The following IL1R1 variants were observed in gnomAD, a reference collection of about 807,000 sequenced individuals.
IL1R1 encodes the protein interleukin 1 receptor type 1, also known as interleukin-1 receptor type 1.
Under a neutral mutation model 50.2 loss-of-function variants are expected in IL1R1, and 22 were observed. The observed-to-expected ratio is 0.44, with a 90% CI of 0.31 to 0.63. The LOEUF (loss-of-function observed/expected upper bound fraction) is 0.63, where lower values mean the gene tolerates loss of function less well. Ranked by LOEUF, IL1R1 falls within the 20% of genes least tolerant of loss-of-function variation. The pLI, the probability that IL1R1 is intolerant of heterozygous loss-of-function variation, is 0.07. For missense variants in IL1R1, 509 were observed against 676.2 expected (o/e 0.75, Z 2.74); for synonymous variants, 251 against 236.7 (o/e 1.06, Z -0.55).
intron 1 of IL1R1, among the ~76,000 whole-genome samples, chr2:102,144,194 G>A (rs1381478729): frequency 6.6e-6 from 1 of 152,076 alleles, no homozygotes; most frequent in Non-Finnish European, 1.5e-5. Flanking sequence ...ATTCATATCC[G>A]ATGTTAACGT....
At chr2:102,140,689 C>T (rs1192370360), upstream of IL1R1, among the ~76,000 whole-genome samples, 2 of 152,060 alleles carry the variant, frequency 1.3e-5, no homozygotes, top group African/African-American at 4.8e-5. Context: ...AAGCCTCCTA[C>T]CCAGGGGATG....
chr2:102,167,745 G>T (rs1175953853), intron 6 of IL1R1, among the ~76,000 whole-genome samples: 2 of 152,092 alleles, frequency 1.3e-5, no homozygotes, highest in African/African-American at 4.8e-5. Flanking sequence ...ACCGCGCCCG[G>T]CCAGGTTAAG....
chr2:102,104,087 T>A (rs1475844570), upstream of IL1R1, among the ~76,000 whole-genome samples: 1 of 150,474 alleles, frequency 6.6e-6, no homozygotes, highest in Non-Finnish European at 1.5e-5. Context: ...CCAGCTTTCA[T>A]CTCCCTGAGC....
At chr2:102,099,215 G>A (rs1680031769) in intron 1 of IL1R1, among the ~76,000 whole-genome samples, 1 of 152,166 alleles carries the variant, frequency 6.6e-6, no homozygotes, top group Non-Finnish European at 1.5e-5. Flanking sequence ...ATTTCAAAAT[G>A]TGAATAGTGA....
At chr2:102,128,109 G>A (rs989172341) in intron 1 of IL1R1, among the ~76,000 whole-genome samples, 9 of 152,068 alleles carry the variant, frequency 5.9e-5, no homozygotes, top group Admixed American at 2.6e-4. Context: ...TATTTGTGTC[G>A]AAATACCCTC....
chr2:102,149,220 A>G (rs957465885), intron 1 of IL1R1, among the ~76,000 whole-genome samples: 22 of 152,230 alleles, frequency 1.4e-4, no homozygotes, highest in Non-Finnish European at 2.8e-4. Flanking sequence ...ACATATGCAC[A>G]TATTGGTTAA....
intron 6 of IL1R1, among the ~76,000 whole-genome samples, chr2:102,166,817 G>T (rs1255949924): frequency 1.3e-5 from 2 of 152,154 alleles, no homozygotes; most frequent in Admixed American, 6.5e-5. Flanking sequence ...GAGATATGGG[G>T]TACACGAAAC....
chr2:102,169,617 C>T (rs932885412), intron 7 of IL1R1, among the ~76,000 whole-genome samples: 2 of 152,204 alleles, frequency 1.3e-5, no homozygotes, highest in Admixed American at 6.5e-5. Flanking sequence ...AACTGCATGA[C>T]AGCAGTCAAG....
At chr2:102,157,975 T>C (rs1322199436) in intron 3 of IL1R1, among the ~76,000 whole-genome samples, 190 bp downstream of exon 3, 1 of 152,210 alleles carries the variant, frequency 6.6e-6, no homozygotes, top group African/African-American at 2.4e-5. Flanking sequence ...CTCTCCCATA[T>C]AGAGTGGGAA....
chr2:102,171,656 T>G, intron 7 of IL1R1, 145 bp from the exon 8 acceptor site: 1 of 395,616 alleles, frequency 2.5e-6, no homozygotes, highest in East Asian at 3.8e-5. Context: ...CTAATGGTGG[T>G]TTTCTCTGGG....
At chr2:102,098,933 G>A (rs762322265) in intron 1 of IL1R1, among the ~76,000 whole-genome samples, 1 of 152,128 alleles carries the variant, frequency 6.6e-6, no homozygotes, top group East Asian at 1.9e-4. Flanking sequence ...TTCACCTAAC[G>A]TTTAACTGCA....
At chr2:102,158,912 C>T (rs1684449372) in intron 3 of IL1R1, among the ~76,000 whole-genome samples, 1 of 152,046 alleles carries the variant, frequency 6.6e-6, no homozygotes, top group Non-Finnish European at 1.5e-5. Flanking sequence ...GATGGCTTGT[C>T]AAAGGGTGGC....
At position 102,178,130 on chromosome 2, in the gene IL1R1, T is replaced by A. The variant is rs200459965; in HGVS notation, c.*1371T>A. 2.0e-5 allele frequency: 3 copies of A among 152,572 alleles called. No homozygotes were observed. Among genetic ancestry groups the A allele is most frequent in the African/African-American group, 7.2e-5 (3 of 41,452 alleles). 9.5% of individuals were successfully genotyped at this position (152,572 alleles called of 1,614,324 possible). ...TTGCCTAGGAGGCCTTCTCGCATTT[T>A]CTCTAGCTGATCAGAATTTTACCAA... On this transcript the variant is annotated 3_prime_UTR_variant, in exon 12 of 12. Transcript: ENST00000410023.
In IL1R1 at chr2:102,097,165, G is replaced by T. The variant is rs923327764; in HGVS notation, c.-84+26632G>T. 2.6e-5 allele frequency among the ~76,000 whole-genome samples: 4 copies of T among 152,106 alleles called. 1 individual carries two copies. The highest frequency in any genetic ancestry group is 5.9e-5 in the Non-Finnish European group (4 of 68,020). Reference sequence around the variant, plus strand: ...CTTTTAGAATGGTGACTTTATCGGGGATCGGGGCTGCTTCCTTCCTGCAAC... The same window carrying T: ...CTTTTAGAATGGTGACTTTATCGGGTATCGGGGCTGCTTCCTTCCTGCAAC... On this transcript the variant is annotated intron_variant, in intron 1 of 11. Coordinates refer to the IL1R1 transcript ENST00000409929.
intron 1 of IL1R1, among the ~76,000 whole-genome samples, chr2:102,147,846 C>G (rs1192843291): frequency 1.3e-5 from 2 of 152,192 alleles, no homozygotes; most frequent in African/African-American, 4.8e-5. Context: ...CACTTGAAAC[C>G]TCTTGGGAAA....
rs1685393177 is a variant in IL1R1 at position 102,168,512 on chromosome 2, A to T, written c.656-86A>T. 1.1e-5 allele frequency: 11 copies of T among 1,025,794 alleles called. No individual in the cohort carries two copies. In the South Asian group the frequency reaches 1.4e-4, roughly 13 times the overall value. The allele number at this position is 1,025,794 out of a possible 1,614,324, so 63.5% of individuals were successfully genotyped here. The stretch of plus-strand genomic sequence containing the variant: ...TTGATGGAATATCTGGCCAGAAGTC[A>T]TTTAGTATGTTTTGCTAAGTGTTGT... On this transcript the variant is annotated intron_variant, in intron 6 of 11. Coordinates refer to ENST00000410023, the MANE Select transcript of IL1R1 (RefSeq NM_000877.4).
chr2:102,152,156 T>G (rs913647041), intron 1 of IL1R1, among the ~76,000 whole-genome samples: 1 of 151,956 alleles, frequency 6.6e-6, no homozygotes, highest in African/African-American at 2.4e-5. Context: ...ACAGTAAGTA[T>G]ATAAATTCTT....
chr2:102,105,831 C>T (rs959907041), intron 1 of IL1R1, among the ~76,000 whole-genome samples: 11 of 152,134 alleles, frequency 7.2e-5, no homozygotes, highest in Non-Finnish European at 1.2e-4. Flanking sequence ...AATGTTGCAC[C>T]TATAGCTATA....
chr2:102,085,210 G>T (rs1480700084), intron 1 of IL1R1, among the ~76,000 whole-genome samples: 1 of 152,004 alleles, frequency 6.6e-6, no homozygotes, highest in Non-Finnish European at 1.5e-5. Flanking sequence ...TGGTGTCTTT[G>T]GATGAACACA....
Sources: gnomAD v4.1 joint callset for allele counts (sites outside exome capture counted in the v4.1 genomes callset) on GRCh38, gnomAD v4.1.1 for gene constraint, MANE v1.5 for transcripts, NCBI Gene and HGNC (gene_info 2026-07-23, HGNC 2026-07-21) for gene names.